The following ALDH7A1 variants were observed in gnomAD, a reference collection of about 807,000 sequenced individuals.
ALDH7A1 encodes the protein aldehyde dehydrogenase 7 family member A1, also known as alpha-aminoadipic semialdehyde dehydrogenase.
Under a neutral mutation model 79.9 loss-of-function variants are expected in ALDH7A1, and 63 were observed. That is an observed-to-expected ratio of 0.79 (90% CI 0.64 to 0.97). ALDH7A1 has a LOEUF of 0.97. ALDH7A1 is among the 50% of genes least tolerant of loss of function. ALDH7A1 has a pLI of 0.00. For synonymous variants in ALDH7A1, 240 were observed against 231.2 expected (o/e 1.04, Z -0.34); for missense variants, 627 against 665.2 (o/e 0.94, Z 0.63).
intron 8 of ALDH7A1, chr5:126,570,547 A>G (rs1750737010): frequency 4.1e-6 from 2 of 487,462 alleles, no homozygotes; most frequent in Non-Finnish European, 3.7e-6. Context: ...ATTTCAGGAT[A>G]TAAACACCTT....
chr5:126,589,435 C>T (rs1751466407), intron 3 of ALDH7A1, among the ~76,000 whole-genome samples: 3 of 151,958 alleles, frequency 2.0e-5, no homozygotes, highest in Admixed American at 6.5e-5. Context: ...GGATTACAGG[C>T]GTGAGCCATC....
intron 16 of ALDH7A1, among the ~76,000 whole-genome samples, chr5:126,549,178 A>C (rs62391508): frequency 0.089 from 13,525 of 151,976 alleles, 729 homozygotes; most frequent in East Asian, 0.15. Flanking sequence ...ATAGACACTC[A>C]TGCATTCAGG....
intron 4 of ALDH7A1, among the ~76,000 whole-genome samples, chr5:126,583,599 G>A (rs2112803784): frequency 6.6e-6 from 1 of 151,818 alleles, no homozygotes; most frequent in South Asian, 2.1e-4. Context: ...ACTTTGAGAG[G>A]CCGAGGCAGG....
At position 126,550,151 on chromosome 5, in the gene ALDH7A1, C is replaced by T. The variant is rs1395335919; in HGVS notation, c.1415+45G>A. On this transcript the variant is annotated intron_variant, in intron 15 of 17. Coordinates refer to ENST00000409134, the MANE Select transcript of ALDH7A1 (RefSeq NM_001182.5). ...GCAGTTTTTTTAAGTCCACTCACCA[C>T]ATAAATCAGACTTATATAAATTTTC... 3 of 1,582,730 alleles carry T rather than the reference C, an allele frequency of 1.9e-6. No individual in the cohort carries two copies. In the South Asian group the frequency reaches 3.3e-5, roughly 18 times the overall value.
Position 126,593,343 on chromosome 5 carries a change from A to ACACACT in ALDH7A1, c.246+7_246+8insAGTGTG. On this transcript the variant is annotated splice_region_variant and intron_variant, in intron 2 of 17. Transcript: ENST00000409134. ...CACACACACACACACACACACACAC[A>ACACACT]CTCTTACCTGTCGGACTCTTGCTAT... The ACACACT allele has an allele frequency of 1.2e-6, 2 of 1,608,158 alleles. No individual in the cohort carries two copies. The highest frequency in any genetic ancestry group is 1.7e-6 in the Non-Finnish European group (2 of 1,179,016).
In ALDH7A1 at chr5:126,559,265, T is replaced by C. The variant is rs1168941346; in HGVS notation, c.983A>G (p.Gln328Arg). 3 of 1,613,990 alleles carry C rather than the reference T, an allele frequency of 1.9e-6. No individual in the cohort carries two copies. The highest frequency in any genetic ancestry group is 1.7e-5 in the Admixed American group (1 of 60,030). The change falls in exon 11 of 18, where the codon CAG becomes CGG. Residue 328 changes from glutamine to arginine, a missense_variant. By Grantham distance (43) the Gln-to-Arg change is conservative (BLOSUM62 1). Transcript: ENST00000409134. ...ALFAAVGTAGQRCTTARRLFI... is the reference protein window; with the variant it reads ...ALFAAVGTAGRRCTTARRLFI... ...CAGTCGCCTCGCAGTGGTACACCTC[T>C]GGCCAGCTGTTCCCACAGCAGCGAA...
In ALDH7A1 at chr5:126,556,001, G is replaced by A. The variant is rs750258751; in HGVS notation, c.1023C>T (p.Ser341=). 1.2e-6 allele frequency: 2 copies of A among 1,612,858 alleles called. No individual in the cohort carries two copies. Among genetic ancestry groups the A allele is most frequent in the Non-Finnish European group, 1.7e-6 (2 of 1,179,158 alleles). The change falls in exon 12 of 18, where the codon AGC becomes AGT. Residue 341 remains serine (S), a synonymous_variant. Transcript: ENST00000409134. ...GTCTGTTTACAACCTCATCATGGAT[G>A]CTTTCATGTATAAACTAAACGAAAA... ...TTARRLFIHE[S]IHDEVVNRLK... is the part of the protein sequence containing the mutation.
intron 7 of ALDH7A1, 104 bp downstream of exon 7, chr5:126,575,315 AT>A: frequency 1.9e-6 from 2 of 1,073,232 alleles, no homozygotes; most frequent in Non-Finnish European, 2.8e-6. Context: ...GGTTATCCAA[AT>A]TCCATGCTAT....
chr5:126,568,470 G>A, intron 8 of ALDH7A1, 114 bp from the exon 9 acceptor site: 5 of 919,820 alleles, frequency 5.4e-6, no homozygotes, highest in Non-Finnish European at 8.9e-6. Flanking sequence ...GAAGCTACAA[G>A]AAAGTCTGTC....
intron 3 of ALDH7A1, chr5:126,586,619 C>G (rs968798990): frequency 6.6e-6 from 1 of 152,168 alleles, no homozygotes; most frequent in African/African-American, 2.4e-5. Context: ...GAAAGGGGAG[C>G]TAGATTTCAC....
chr5:126,566,553 G>A (rs1415597613), intron 9 of ALDH7A1, among the ~76,000 whole-genome samples: 2 of 152,216 alleles, frequency 1.3e-5, no homozygotes, highest in Middle Eastern at 3.4e-3. Context: ...TGGGGTTAAA[G>A]TCTAAAATTC....
intron 9 of ALDH7A1, among the ~76,000 whole-genome samples, chr5:126,565,869 G>C (rs562749004): frequency 3.3e-5 from 5 of 152,298 alleles, no homozygotes; most frequent in African/African-American, 1.2e-4. Flanking sequence ...GAAATGTCTT[G>C]TCACCCTTGA....
chr5:126,558,140 C>G (rs1750266635), intron 11 of ALDH7A1, among the ~76,000 whole-genome samples: 1 of 127,248 alleles, frequency 7.9e-6, no homozygotes, highest in Non-Finnish European at 1.6e-5. Flanking sequence ...ACACTCCAAC[C>G]TGGGCAACAG....
intron 8 of ALDH7A1, chr5:126,568,606 A>G (rs555083696): frequency 6.0e-5 from 30 of 497,584 alleles, no homozygotes; most frequent in African/African-American, 5.6e-4. Flanking sequence ...GTTGTTAGGG[A>G]AGAAAGTCTT....
chr5:126,570,650 CATA>C (rs1184867846), intron 8 of ALDH7A1, 129 bp downstream of exon 8: 2 of 885,530 alleles, frequency 2.3e-6, no homozygotes, highest in East Asian at 4.9e-5. Context: ...CAACAAAGTC[CATA>C]ATAATAATGA....
chr5:126,547,409 G>A (rs573522564), intron 16 of ALDH7A1, among the ~76,000 whole-genome samples: 1 of 152,160 alleles, frequency 6.6e-6, no homozygotes, highest in Non-Finnish European at 1.5e-5. Context: ...GCACATGCTG[G>A]GGGAATGAAC....
chr5:126,575,483 AAAAAAG>A lies in ALDH7A1; in HGVS notation c.651-25_651-20del, dbSNP rs781687339. 6.4e-5 allele frequency: 102 copies of A among 1,604,488 alleles called. No individual in the cohort carries two copies. The highest frequency in any genetic ancestry group is 8.2e-5 in the Non-Finnish European group (97 of 1,175,976). Reference sequence around the variant, plus strand: ...TCCTTTCCTTAAGAAGGTTAAAACAAAAAAAGAAAAAGAAAAACTTATTTGACGGAA... The same window carrying A: ...TCCTTTCCTTAAGAAGGTTAAAACAAAAAAAGAAAAACTTATTTGACGGAA... On this transcript the variant is annotated intron_variant, in intron 6 of 17. Coordinates refer to ENST00000409134, the MANE Select transcript of ALDH7A1 (RefSeq NM_001182.5).
chr5:126,594,325 C>T, intron 1 of ALDH7A1: 1 of 465,584 alleles, frequency 2.1e-6, no homozygotes, highest in Non-Finnish European at 4.5e-6. Flanking sequence ...ACGTTACCTG[C>T]GGTGCACGTC....
chr5:126,587,492 T>C (rs1406418762), intron 3 of ALDH7A1: 1 of 151,192 alleles, frequency 6.6e-6, no homozygotes, highest in Non-Finnish European at 1.5e-5. Flanking sequence ...ATTTAAAAAA[T>C]TGGTGGCGGG....
Sources: gnomAD v4.1 joint callset for allele counts (sites outside exome capture counted in the v4.1 genomes callset) on GRCh38, gnomAD v4.1.1 for gene constraint, MANE v1.5 for transcripts, NCBI Gene and HGNC (gene_info 2026-07-23, HGNC 2026-07-21) for gene names.